CNTNAP1: variants seen among roughly 807,000 people sequenced by gnomAD.
CNTNAP1 encodes the protein contactin associated protein 1, also known as contactin-associated protein 1.
Under a neutral mutation model 161.5 loss-of-function variants are expected in CNTNAP1, and 80 were observed. That is an observed-to-expected ratio of 0.50 (90% confidence interval 0.41 to 0.60). The LOEUF is 0.60. Ranked by LOEUF, CNTNAP1 falls within the 20% of genes least tolerant of loss-of-function variation. The pLI is 0.00. For synonymous variants in CNTNAP1, 695 were observed against 733.1 expected, an observed-to-expected ratio of 0.95 and a Z score of 0.84; for missense variants, 1,464 against 1,854.8, an observed-to-expected ratio of 0.79 and a Z score of 3.87.
chr17:42,688,064 T>C, intron 8 of CNTNAP1, 83 bp downstream of exon 8: 2 of 1,520,074 alleles, frequency 1.3e-6, no homozygotes, highest in Non-Finnish European at 1.8e-6. Flanking sequence ...ACTGAGGCCT[T>C]TACATTCTGG....
chr17:42,686,779 A>AAT, intron 6 of CNTNAP1, 124 bp from the exon 7 acceptor site: 2 of 1,165,650 alleles, frequency 1.7e-6, no homozygotes, highest in South Asian at 3.1e-5. Flanking sequence ...ACACTGGGGA[A>AAT]ATGTGTGTTT....
chr17:42,696,473 G>A lies in CNTNAP1; in HGVS notation c.3474+321G>A, dbSNP rs148590266. Reference sequence around the variant, plus strand: ...CGAGCAGCTGAGATTACAGGCATGCGCCACAACGCCCAGCTAATTTTGTAT... The same window carrying A: ...CGAGCAGCTGAGATTACAGGCATGCACCACAACGCCCAGCTAATTTTGTAT... On this transcript the variant is annotated intron_variant, in intron 20 of 23. Transcript: ENST00000264638. 3.7e-3 allele frequency among the ~76,000 whole-genome samples: 560 copies of A among 151,946 alleles called. 1 individual carries two copies. Among genetic ancestry groups the A allele is most frequent in the Non-Finnish European group, 6.5e-3 (444 of 67,946 alleles).
At position 42,685,890 on chromosome 17, in the gene CNTNAP1, CCTAGGAGCTTG is replaced by C; in HGVS notation, c.716-66_716-56del. 1 of 1,555,990 alleles carries C rather than the reference CCTAGGAGCTTG, an allele frequency of 6.4e-7. No individual in the cohort carries two copies. Among genetic ancestry groups the C allele is most frequent in the Non-Finnish European group, 8.8e-7 (1 of 1,135,304 alleles). On this transcript the variant is annotated intron_variant, in intron 5 of 23. Transcript: ENST00000264638. The surrounding 1 kb of genome is among the most constrained non-coding windows in gnomAD (Gnocchi z 5.0). ...GGCTTTGTTACACGCTGCTGCTCTG[CCTAGGAGCTTG>C]GACTCCATGGAGTTCTCCTGGCTTG...
At position 42,688,562 on chromosome 17, in the gene CNTNAP1, G is replaced by A; in HGVS notation, c.1407G>A (p.Arg469=). Residue 469 remains arginine (R), a synonymous_variant, in exon 9 of 24, where the codon AGG becomes AGA. Transcript: ENST00000264638. ...SIDDVEGAEV[R]VSYPLLIRTG... ...ATGATGTGGAAGGGGCAGAGGTCAG[G>A]GTCTCATACCCGTTGCTGATCCGGA... 6.2e-7 allele frequency: 1 copy of A among 1,614,202 alleles called. No homozygotes were observed. Among genetic ancestry groups the A allele is most frequent in the South Asian group, 1.1e-5 (1 of 91,086 alleles).
At chr17:42,688,094 G>T in intron 8 of CNTNAP1, 113 bp downstream of exon 8, 2 of 1,455,968 alleles carry the variant, frequency 1.4e-6, no homozygotes, top group Non-Finnish European at 1.8e-6. Context: ...AGGAGTGAAG[G>T]GGGCAGGGCA....
intron 18 of CNTNAP1, among the ~76,000 whole-genome samples, chr17:42,694,373 C>T (rs747292404): frequency 6.6e-5 from 10 of 151,924 alleles, no homozygotes; most frequent in Non-Finnish European, 1.0e-4. Flanking sequence ...GGTTTCACCA[C>T]GCTTGCCAGG....
At position 42,683,083 on chromosome 17, in the gene CNTNAP1, C is replaced by CG. The variant is rs2052958377; in HGVS notation, c.67+191dup. The CG allele has an allele frequency of 9.3e-6, 6 of 644,342 alleles. No individual in the cohort carries two copies. The South Asian group carries it at 1.2e-4, about 13-fold the overall frequency. The allele number at this position is 644,342 out of a possible 1,614,324, so 39.9% of individuals were successfully genotyped here. On this transcript the variant is annotated intron_variant, in intron 1 of 23. Coordinates refer to ENST00000264638, the MANE Select transcript of CNTNAP1 (RefSeq NM_003632.3). ...CAGCTCTGAGGCTGCCGCGCGCGCC[C>CG]GGGGCTGGGGCTGGGCTCTGGGAAG...
At chr17:42,694,141 G>A (rs572315074) in intron 18 of CNTNAP1, among the ~76,000 whole-genome samples, 3 of 151,772 alleles carry the variant, frequency 2.0e-5, no homozygotes, top group Admixed American at 1.3e-4. Context: ...TTACAGGCGT[G>A]AGCCACCGCG....
chr17:42,691,200 C>G lies in CNTNAP1; in HGVS notation c.2123C>G (p.Ser708Cys). ...NEEQHFYWGG[S>C]QPGIQRCACG... is the part of the protein sequence containing the mutation. ...GAGCAGCACTTCTACTGGGGAGGCT[C>G]CCAGCCTGGGATCCAGCGCTGTGCC... The change falls in exon 14 of 24, where the codon TCC becomes TGC. Residue 708 changes from serine (S) to cysteine (C), a missense_variant. Transcript: ENST00000264638. The surrounding 1 kb of genome is among the most constrained non-coding windows in gnomAD (Gnocchi z 4.3). 1.2e-6 allele frequency: 2 copies of G among 1,614,154 alleles called. No homozygotes were observed. Among genetic ancestry groups the G allele is most frequent in the Non-Finnish European group, 1.7e-6 (2 of 1,179,998 alleles).
intron 12 of CNTNAP1, 46 bp downstream of exon 12, chr17:42,690,253 A>G: frequency 6.2e-7 from 1 of 1,609,772 alleles, no homozygotes; most frequent in Non-Finnish European, 8.5e-7. Flanking sequence ...GAGAACCAGG[A>G]AGGATAGAGT....
intron 23 of CNTNAP1, among the ~76,000 whole-genome samples, chr17:42,698,409 C>T (rs1461458576): frequency 6.6e-6 from 1 of 151,462 alleles, no homozygotes; most frequent in Non-Finnish European, 1.5e-5. Flanking sequence ...GAACAGCTAA[C>T]TGAGGGTCAT....
In CNTNAP1 at chr17:42,684,166, C is replaced by T. The variant is rs764615609; in HGVS notation, c.300C>T (p.Tyr100=). The change falls in exon 3 of 24, where the codon TAC becomes TAT. Residue 100 remains tyrosine (Y), a synonymous_variant. Transcript: ENST00000264638. ...ATTCTTGGGACTGGGTCACACGTTA[C>T]ATGCTACTCTACGGCGACCGAGTGG... ...SFNSWDWVTR[Y]MLLYGDRVDS... 1.2e-6 allele frequency: 2 copies of T among 1,614,200 alleles called. No individual in the cohort carries two copies. Among genetic ancestry groups the T allele is most frequent in the Non-Finnish European group, 1.7e-6 (2 of 1,180,038 alleles).
Position 42,687,809 on chromosome 17 carries a change from A to G in CNTNAP1, c.1134A>G (p.Pro378=). ...PHNFVQVPGF[P]RRGRLAVSFR... ...ACTTCGTTCAAGTGCCCGGTTTCCC[A>G]CGCCGTGGCCGCCTGGCAGTCTCAT... Residue 378 remains proline (P), a synonymous_variant, in exon 8 of 24, where the codon CCA becomes CCG. Coordinates refer to ENST00000264638, the MANE Select transcript of CNTNAP1 (RefSeq NM_003632.3). This position sits in a 1 kb window ranked among gnomAD's most constrained non-coding sequence, Gnocchi z 4.7. 1 of 1,614,138 alleles carries G rather than the reference A, an allele frequency of 6.2e-7. No individual in the cohort carries two copies. Among genetic ancestry groups the G allele is most frequent in the South Asian group, 1.1e-5 (1 of 91,084 alleles).
chr17:42,690,988 A>G (rs896339518), intron 13 of CNTNAP1, 46 bp downstream of exon 13: 1 of 1,608,872 alleles, frequency 6.2e-7, no homozygotes, highest in East Asian at 2.2e-5. Flanking sequence ...GGAGACACCA[A>G]TGGGGGCCTG....
intron 6 of CNTNAP1, 64 bp from the exon 7 acceptor site, chr17:42,686,839 G>C: frequency 6.6e-7 from 1 of 1,519,304 alleles, no homozygotes; most frequent in African/African-American, 1.4e-5. Context: ...ATACGGCGGG[G>C]ACGCGCGAGA....
intron 18 of CNTNAP1, among the ~76,000 whole-genome samples, 175 bp downstream of exon 18, chr17:42,693,711 G>A (rs1264629582): frequency 6.6e-6 from 1 of 152,278 alleles, no homozygotes; most frequent in East Asian, 1.9e-4. Context: ...TGACTCCAAA[G>A]GCATGGACAA....
In CNTNAP1 at chr17:42,690,793, C is replaced by T. The variant is rs754944509; in HGVS notation, c.1910C>T (p.Thr637Ile). ...GACAGGCTGTGGACAACTCGAGTGA[C>T]AGGTTCCAGCATGGAGCGGCCATTC... ...RHDRLWTTRV[T>I]GSSMERPFLG... The change falls in exon 13 of 24, where the codon ACA (threonine) becomes ATA (isoleucine). Residue 637 changes from threonine (T) to isoleucine (I), a missense_variant. Coordinates refer to ENST00000264638, the MANE Select transcript of CNTNAP1 (RefSeq NM_003632.3). The T allele has an allele frequency of 1.9e-5, 31 of 1,614,180 alleles. No homozygotes were observed. Among genetic ancestry groups the T allele is most frequent in the Middle Eastern group, 3.3e-4 (2 of 6,062 alleles).
intron 18 of CNTNAP1, among the ~76,000 whole-genome samples, chr17:42,694,853 AG>A (rs2053133483): frequency 6.6e-6 from 1 of 152,122 alleles, no homozygotes; most frequent in African/African-American, 2.4e-5. Context: ...ATATATGAGC[AG>A]GTGGGTTACT....
At chr17:42,693,928 G>A (rs898269906) in intron 18 of CNTNAP1, among the ~76,000 whole-genome samples, 3 of 151,920 alleles carry the variant, frequency 2.0e-5, no homozygotes, top group Non-Finnish European at 4.4e-5. Context: ...ACAGTGGCAC[G>A]ATCTCGGCTC....
Sources: allele counts gnomAD v4.1 joint callset (sites outside exome capture counted in the v4.1 genomes callset), GRCh38; gene constraint gnomAD v4.1.1; non-coding constraint Gnocchi (gnomAD v3.1); transcripts MANE v1.5; gene names NCBI Gene and HGNC (gene_info 2026-07-23, HGNC 2026-07-21).